Variants in ATP6V1D observed in about 807,000 individuals in gnomAD.
ATP6V1D encodes the protein ATPase H+ transporting V1 subunit D.
In ATP6V1D, 20 loss-of-function variants were observed where a neutral mutation model predicts 39.4. That is an observed-to-expected ratio of 0.51 (90% CI 0.36 to 0.74). ATP6V1D has a LOEUF of 0.74. Ranked by LOEUF, ATP6V1D falls within the 30% of genes least tolerant of loss-of-function variation. ATP6V1D has a pLI of 0.00. For missense variants in ATP6V1D, 228 were observed against 291.6 expected (o/e 0.78, Z 1.59); for synonymous variants, 100 against 100.5 (o/e 0.99, Z 0.03).
At chr14:67,348,750 G>A (rs2085638763) in intron 4 of ATP6V1D, 2 of 273,890 alleles carry the variant, frequency 7.3e-6, no homozygotes, top group Non-Finnish European at 1.4e-5. Flanking sequence ...TCGAACTCCT[G>A]ACCTTGTGAT....
chr14:67,356,325 G>C (rs1373611198), intron 1 of ATP6V1D, among the ~76,000 whole-genome samples: 2 of 151,582 alleles, frequency 1.3e-5, no homozygotes, highest in Admixed American at 6.6e-5. Context: ...GGAGTCTGAG[G>C]CACAAAAATC....
At chr14:67,347,850 C>A (rs1468104878) in intron 4 of ATP6V1D, among the ~76,000 whole-genome samples, 1 of 151,734 alleles carries the variant, frequency 6.6e-6, no homozygotes, top group Non-Finnish European at 1.5e-5. Flanking sequence ...TCATCAAACT[C>A]AAAAATCAAG....
intron 2 of ATP6V1D, among the ~76,000 whole-genome samples, chr14:67,351,338 A>G (rs2085652590): frequency 6.6e-6 from 1 of 152,186 alleles, no homozygotes; most frequent in South Asian, 2.1e-4. Flanking sequence ...CAAAATTCAG[A>G]CATAATTAAG....
intron 8 of ATP6V1D, 60 bp downstream of exon 8, chr14:67,340,380 A>C (rs1167811798): frequency 7.0e-7 from 1 of 1,433,008 alleles, no homozygotes; most frequent in Non-Finnish European, 9.8e-7. Flanking sequence ...TCATTCAGCA[A>C]ATACAGCCTT....
At chr14:67,339,020 G>A in intron 8 of ATP6V1D, among the ~76,000 whole-genome samples, 1 of 135,526 alleles carries the variant, frequency 7.4e-6, no homozygotes. Context: ...TTGAGATGGA[G>A]TCTTGCTCTG....
chr14:67,347,615 G>C (rs2085628938), intron 4 of ATP6V1D, among the ~76,000 whole-genome samples, 162 bp from the exon 5 acceptor site: 1 of 151,202 alleles, frequency 6.6e-6, no homozygotes, highest in African/African-American at 2.4e-5. Flanking sequence ...AATTCTCCTG[G>C]TCAGCCTCCT....
Position 67,347,451 on chromosome 14 carries a change from C to CAA in ATP6V1D, c.309_310insTT (p.Val104LeufsTer19). 6.2e-7 allele frequency: 1 copy of CAA among 1,605,664 alleles called. No individual in the cohort carries two copies. The highest frequency in any genetic ancestry group is 8.5e-7 in the Non-Finnish European group (1 of 1,173,444). On this transcript the variant is annotated frameshift_variant and splice_region_variant, in exon 5 of 9. Coordinates refer to ENST00000216442, the MANE Select transcript of ATP6V1D (RefSeq NM_015994.4). LOFTEE classifies it high-confidence loss of function. Reference sequence around the variant, plus strand: ...TAATGTTCAAATACTGGCAAAGTAACACCTGTTAAACACAGAAGCATACAT... The same window carrying CAA: ...TAATGTTCAAATACTGGCAAAGTAACAAACCTGTTAAACACAGAAGCATACAT...
intron 8 of ATP6V1D, chr14:67,340,201 A>T (rs1375875548): frequency 2.2e-6 from 1 of 448,786 alleles, no homozygotes; most frequent in Non-Finnish European, 4.0e-6. Context: ...AAAAAATCAA[A>T]CCTAAACAGT....
Position 67,338,715 on chromosome 14 carries a change from T to G in ATP6V1D, c.650A>C (p.Glu217Ala), listed in dbSNP as rs760159563. Residue 217 changes from glutamate (E) to alanine (A), a missense_variant, in exon 9 of 9, where the codon GAG becomes GCG. Transcript: ENST00000216442. ...TGCTCTCCTTTGCTCCAAGTCCTTC[T>G]CAGATTTTTCCTTTAGAATCTTTTT... ...EKKKILKEKSEKDLEQRRAAG... is the reference protein window; with the variant it reads ...EKKKILKEKSAKDLEQRRAAG... 6.2e-7 allele frequency: 1 copy of G among 1,613,744 alleles called. No individual in the cohort carries two copies. The highest frequency in any genetic ancestry group is 1.1e-5 in the South Asian group (1 of 91,062).
intron 3 of ATP6V1D, among the ~76,000 whole-genome samples, 179 bp downstream of exon 3, chr14:67,350,432 A>T (rs2085648217): frequency 6.6e-6 from 1 of 152,240 alleles, no homozygotes; most frequent in Admixed American, 6.5e-5. Context: ...ACTATGTAAG[A>T]ATTACATGTG....
At position 67,337,887 on chromosome 14, in the gene ATP6V1D, C is replaced by A. The variant is rs1209233267; in HGVS notation, c.*734G>T. 7 of 152,214 alleles carry A rather than the reference C, an allele frequency of 4.6e-5. No individual in the cohort carries two copies. The East Asian group carries it at 1.3e-3, about 29-fold the overall frequency. 9.4% of individuals were successfully genotyped at this position (152,214 alleles called of 1,614,324 possible). ...AATGCCCTCATAACTCATCGGCAAT[C>A]ATTTATTAGTACCCCAAAATGCAAC... On this transcript the variant is annotated 3_prime_UTR_variant, in exon 9 of 9. Coordinates refer to ENST00000216442, the MANE Select transcript of ATP6V1D (RefSeq NM_015994.4).
At chr14:67,349,572 C>T (rs993868591) in intron 3 of ATP6V1D, among the ~76,000 whole-genome samples, 5 of 152,166 alleles carry the variant, frequency 3.3e-5, no homozygotes, top group African/African-American at 4.8e-5. Context: ...CGATAGCTCA[C>T]GCCTGTAATC....
rs1384744771 is a variant in ATP6V1D, at chr14:67,337,878, A to G, written c.*743T>C. 6.6e-6 allele frequency: 1 copy of G among 152,196 alleles called. No homozygotes were observed. The highest frequency in any genetic ancestry group is 2.4e-5 in the African/African-American group (1 of 41,442). 9.4% of individuals were successfully genotyped at this position (152,196 alleles called of 1,614,324 possible). A position where few individuals can be genotyped will look rare whatever the true frequency, so the allele number is the denominator to read the frequency against. ...AAGTATTATAATGCCCTCATAACTC[A>G]TCGGCAATCATTTATTAGTACCCCA... On this transcript the variant is annotated 3_prime_UTR_variant, in exon 9 of 9. Coordinates refer to ENST00000216442, the MANE Select transcript of ATP6V1D (RefSeq NM_015994.4).
intron 1 of ATP6V1D, among the ~76,000 whole-genome samples, chr14:67,357,083 T>A (rs2085690319): frequency 6.6e-6 from 1 of 152,246 alleles, no homozygotes; most frequent in Non-Finnish European, 1.5e-5. Flanking sequence ...CACTTACAGC[T>A]AATATGTAGC....
intron 1 of ATP6V1D, among the ~76,000 whole-genome samples, chr14:67,356,172 C>T (rs2085683774): frequency 2.0e-5 from 3 of 152,108 alleles, no homozygotes; most frequent in African/African-American, 7.2e-5. Flanking sequence ...GTAATACCAA[C>T]ACTTTGGGAG....
chr14:67,347,036 G>A (rs2085623496), intron 5 of ATP6V1D, among the ~76,000 whole-genome samples: 1 of 152,080 alleles, frequency 6.6e-6, no homozygotes. Flanking sequence ...GCCCAGGCTG[G>A]AGTGCAGTGG....
At chr14:67,341,894 T>A (rs1396751384) in intron 7 of ATP6V1D, among the ~76,000 whole-genome samples, 2 of 152,148 alleles carry the variant, frequency 1.3e-5, no homozygotes, top group Non-Finnish European at 2.9e-5. Context: ...CCCCCAACCC[T>A]GTGCTCTCTG....
chr14:67,359,520 T>C, intron 1 of ATP6V1D, 138 bp downstream of exon 1: 1 of 946,060 alleles, frequency 1.1e-6, no homozygotes, highest in African/African-American at 1.7e-5. Context: ...AGCCTCGCCC[T>C]AGACTCAAGA....
chr14:67,354,866 T>G (rs886720272), intron 1 of ATP6V1D, among the ~76,000 whole-genome samples: 2 of 152,222 alleles, frequency 1.3e-5, no homozygotes, highest in Non-Finnish European at 2.9e-5. Flanking sequence ...CAGGCTAGAG[T>G]GCAATGGCGC....
Sources: gnomAD v4.1 joint callset for allele counts (sites outside exome capture counted in the v4.1 genomes callset) on GRCh38, gnomAD v4.1.1 for gene constraint, MANE v1.5 for transcripts, NCBI Gene and HGNC (gene_info 2026-07-23, HGNC 2026-07-21) for gene names.